NPAT: variants seen among roughly 807,000 people sequenced by gnomAD.
NPAT encodes nuclear protein, coactivator of histone transcription.
Under a neutral mutation model 130.7 loss-of-function variants are expected in NPAT, and 52 were observed. That is an observed-to-expected ratio of 0.40 (90% CI 0.32 to 0.50). The LOEUF (loss-of-function observed/expected upper bound fraction) is 0.50. Ranked by LOEUF, NPAT falls within the 20% of genes least tolerant of loss-of-function variation. NPAT has a pLI of 0.68. For missense variants in NPAT, 1,687 were observed against 1,662.6 expected, an observed-to-expected ratio of 1.01 and a Z score of -0.26; for synonymous variants, 580 against 584.8, an observed-to-expected ratio of 0.99 and a Z score of 0.12.
At chr11:108,221,487 T>C (rs1480233288) in intron 1 of NPAT, among the ~76,000 whole-genome samples, 1 of 152,242 alleles carries the variant, frequency 6.6e-6, no homozygotes, top group Non-Finnish European at 1.5e-5. Context: ...CCATTTCCGT[T>C]TAACGTTTCC....
chr11:108,193,426 A>G (rs546724242), intron 3 of NPAT, among the ~76,000 whole-genome samples: 66 of 152,256 alleles, frequency 4.3e-4, no homozygotes, highest in Non-Finnish European at 8.4e-4. Flanking sequence ...GTACCACTCA[A>G]TGTAAACACA....
intron 8 of NPAT, among the ~76,000 whole-genome samples, chr11:108,186,198 G>A (rs1277362707): frequency 1.3e-5 from 2 of 151,930 alleles, no homozygotes; most frequent in Non-Finnish European, 2.9e-5. Flanking sequence ...TGTATTTTTT[G>A]TAGAGAGGGG....
chr11:108,176,118 AG>A, intron 12 of NPAT, 127 bp downstream of exon 12: 1 of 705,876 alleles, frequency 1.4e-6, no homozygotes, highest in South Asian at 1.8e-5. Context: ...TTTAACAGAG[AG>A]AAAAATACAA....
chr11:108,191,050 A>AGGT (rs2078164733), intron 4 of NPAT, among the ~76,000 whole-genome samples: 1 of 152,250 alleles, frequency 6.6e-6, no homozygotes, highest in Non-Finnish European at 1.5e-5. Context: ...CTTGGGTAAC[A>AGGT]GAGTGAGACC....
intron 5 of NPAT, among the ~76,000 whole-genome samples, 183 bp from the exon 6 acceptor site, chr11:108,189,513 G>A (rs2078142426): frequency 6.6e-6 from 1 of 152,132 alleles, no homozygotes; most frequent in Admixed American, 6.5e-5. Flanking sequence ...ATACAATCAA[G>A]CTTTATAAAT....
At chr11:108,204,595 T>C (rs1029321910) in intron 1 of NPAT, among the ~76,000 whole-genome samples, 1 of 152,188 alleles carries the variant, frequency 6.6e-6, no homozygotes, top group Non-Finnish European at 1.5e-5. Context: ...GGAAAGGGGC[T>C]ATAACATTGT....
chr11:108,208,601 AGAG>A (rs1056127491), intron 1 of NPAT: 5 of 315,358 alleles, frequency 1.6e-5, no homozygotes, highest in Admixed American at 4.7e-5. Flanking sequence ...AAAAAAAAAA[AGAG>A]AGAGAGAGAA....
At chr11:108,208,685 G>A in intron 1 of NPAT, 1 of 276,742 alleles carries the variant, frequency 3.6e-6, no homozygotes, top group South Asian at 2.9e-5. Context: ...AGGGAAAGGA[G>A]AAACAGATAA....
Position 108,161,325 on chromosome 11 carries a change from C to T in NPAT, c.3761G>A (p.Ser1254Asn). The change falls in exon 17 of 18, where the codon AGC becomes AAC. Residue 1254 changes from serine (S) to asparagine (N), a missense_variant. Physicochemically the swap from Ser to Asn is conservative, Grantham distance 46 (BLOSUM62 1). Transcript: ENST00000278612. ...ACTATCAGCAAGCCTACTTACTGAG[C>T]TGTGCCTCTGTATATCCTGTAACAT... ...TEMLQDIQRH[S>N]SVSRLADSSD... 6.2e-7 allele frequency: 1 copy of T among 1,614,142 alleles called. No individual in the cohort carries two copies. The highest frequency in any genetic ancestry group is 1.1e-5 in the South Asian group (1 of 91,086).
At chr11:108,187,266 C>A (rs1196169951) in intron 7 of NPAT, among the ~76,000 whole-genome samples, 2 of 152,060 alleles carry the variant, frequency 1.3e-5, no homozygotes, top group East Asian at 3.9e-4. Context: ...GCCTGGGCAA[C>A]AAAGTGAGAC....
chr11:108,203,838 C>T (rs2078297834), intron 1 of NPAT, among the ~76,000 whole-genome samples: 1 of 152,204 alleles, frequency 6.6e-6, no homozygotes, highest in Non-Finnish European at 1.5e-5. Context: ...CTATTTTGCT[C>T]CTTATTTCTG....
In NPAT at chr11:108,160,850, T is replaced by C. The variant is rs370375054; in HGVS notation, c.4206+30A>G. 22 of 1,586,256 alleles carry C rather than the reference T, an allele frequency of 1.4e-5. No homozygotes were observed. The African/African-American group carries it at 2.6e-4, about 18-fold the overall frequency. On this transcript the variant is annotated intron_variant, in intron 17 of 17. Coordinates refer to ENST00000278612, the MANE Select transcript of NPAT (RefSeq NM_002519.3). ...ATCACTAAAGCGGAAAAAAAAGGTGTGGTTTTGAAATTAAAACTTTCAAAC... is the reference window on the plus strand; with the variant it reads ...ATCACTAAAGCGGAAAAAAAAGGTGCGGTTTTGAAATTAAAACTTTCAAAC...
At chr11:108,219,321 CCT>C (rs2078462307) in intron 1 of NPAT, among the ~76,000 whole-genome samples, 2 of 152,152 alleles carry the variant, frequency 1.3e-5, no homozygotes, top group African/African-American at 2.4e-5. Context: ...TTGATTGCTT[CCT>C]CTCTCCTTAT....
At position 108,169,998 on chromosome 11, in the gene NPAT, C is replaced by T; in HGVS notation, c.2831G>A (p.Gly944Glu). 1.9e-6 allele frequency: 3 copies of T among 1,613,924 alleles called. No homozygotes were observed. Among genetic ancestry groups the T allele is most frequent in the Non-Finnish European group, 2.5e-6 (3 of 1,179,860 alleles). ...IASPVQPVLQGMVGMIPVSVV... is the reference protein window; with the variant it reads ...IASPVQPVLQEMVGMIPVSVV... ...AGATACTGGGATCATCCCTACCATT[C>T]CTTGGAGTACAGGCTGGACTGGAGA... is the stretch of plus-strand genomic sequence containing the variant. Residue 944 changes from glycine to glutamate, a missense_variant, in exon 14 of 18, where the codon GGA becomes GAA. Physicochemically the swap from Gly to Glu is moderately conservative, Grantham distance 98. Transcript: ENST00000278612.
At chr11:108,180,519 G>T (rs1332727279) in intron 10 of NPAT, among the ~76,000 whole-genome samples, 4 of 151,002 alleles carry the variant, frequency 2.6e-5, no homozygotes, top group African/African-American at 9.9e-5. Flanking sequence ...TGACACCCAT[G>T]AGGATGGCCA....
intron 10 of NPAT, among the ~76,000 whole-genome samples, 168 bp downstream of exon 10, chr11:108,185,064 C>T (rs1200792876): frequency 6.6e-6 from 1 of 152,156 alleles, no homozygotes; most frequent in Non-Finnish European, 1.5e-5. Context: ...AGACTGCATT[C>T]AATGAATGAA....
intron 1 of NPAT, among the ~76,000 whole-genome samples, chr11:108,214,736 G>C (rs1482679795): frequency 6.6e-6 from 1 of 151,124 alleles, no homozygotes; most frequent in Non-Finnish European, 1.5e-5. Context: ...AGGTTCAAGC[G>C]ATTCTCCTGC....
chr11:108,181,455 ACT>A (rs1200744850), intron 10 of NPAT, among the ~76,000 whole-genome samples: 1 of 137,192 alleles, frequency 7.3e-6, no homozygotes, highest in African/African-American at 2.5e-5. Flanking sequence ...ACAGAGCGAG[ACT>A]CTGTCTCAAA....
At chr11:108,194,075 A>C in intron 2 of NPAT, 58 bp from the exon 3 acceptor site, 41 of 916,414 alleles carry the variant, frequency 4.5e-5, no homozygotes, top group Non-Finnish European at 6.6e-5. Flanking sequence ...ATAATTTCTC[A>C]CAAGAAAAGA....
Sources: allele counts gnomAD v4.1 joint callset (sites outside exome capture counted in the v4.1 genomes callset), GRCh38; gene constraint gnomAD v4.1.1; transcripts MANE v1.5; gene names NCBI Gene and HGNC (gene_info 2026-07-23, HGNC 2026-07-21).